PRELID2: variants seen among roughly 807,000 people sequenced by gnomAD.
The protein encoded by PRELID2 is PRELI domain-containing protein 2.
PRELID2 carries 25 observed loss-of-function variants against 28.4 expected under a neutral mutation model. That is an observed-to-expected ratio of 0.88 (90% CI 0.64 to 1.23). The LOEUF (loss-of-function observed/expected upper bound fraction) is 1.23, where lower values mean the gene tolerates loss of function less well. Among genes scored for constraint, PRELID2 ranks in the 50% most tolerant of loss-of-function variants. The probability of loss-of-function intolerance (pLI) is 0.00; values close to 1 mark genes in which losing one functional copy is unlikely to be tolerated. For missense variants in PRELID2, 201 were observed against 214.4 expected, an observed-to-expected ratio of 0.94 and a Z score of 0.39; for synonymous variants, 76 against 71.6, an observed-to-expected ratio of 1.06 and a Z score of -0.31.
At chr5:145,449,554 T>C in the PRELID2 span, among the ~76,000 whole-genome samples, 3 of 152,064 alleles carry the variant, frequency 2.0e-5, no homozygotes, top group African/African-American at 7.2e-5. Context: ...GGGTACGTGG[T>C]GGGCCAAAAT....
At chr5:145,258,581 T>C in the PRELID2 span, among the ~76,000 whole-genome samples, 1 of 152,306 alleles carries the variant, frequency 6.6e-6, no homozygotes, top group East Asian at 1.9e-4. Context: ...AGGGTATCTG[T>C]AGAACAAATT....
At chr5:145,240,237 G>A in the PRELID2 span, among the ~76,000 whole-genome samples, 5 of 150,170 alleles carry the variant, frequency 3.3e-5, no homozygotes, top group Admixed American at 3.3e-4. Flanking sequence ...CTGCTTTATT[G>A]CTTTCTTTTT....
chr5:145,450,605 C>A, the PRELID2 span: 52 of 152,262 alleles, frequency 3.4e-4, no homozygotes, highest in Admixed American at 2.3e-3. Flanking sequence ...TTAGATCAAA[C>A]CACTTCACTG....
At chr5:145,518,342 G>A (rs926051417) in intron 1 of PRELID2, among the ~76,000 whole-genome samples, 51 of 151,930 alleles carry the variant, frequency 3.4e-4, no homozygotes, top group Non-Finnish European at 3.2e-4. Flanking sequence ...TGGGACTACA[G>A]GTGTGCACCA....
rs1469581409 is a variant in PRELID2 at position 145,770,569 on chromosome 5, G to A, written c.475-5569C>T. 2.2e-4 allele frequency among the ~76,000 whole-genome samples: 33 copies of A among 152,132 alleles called. 1 individual carries two copies. The highest frequency in any genetic ancestry group is 2.2e-3 in the Admixed American group (33 of 15,274). ...CCTTCAGGAGGTATACCAGAAGAAG[G>A]CATTGTTATCACAGCAGATGACAGC... On this transcript the variant is annotated intron_variant, in intron 5 of 6. Coordinates refer to ENST00000683046, the MANE Select transcript of PRELID2 (RefSeq NM_205846.3).
the PRELID2 span, among the ~76,000 whole-genome samples, chr5:145,456,313 A>T: frequency 6.6e-6 from 1 of 152,224 alleles, no homozygotes; most frequent in African/African-American, 2.4e-5. Context: ...GAATGTGAAG[A>T]TGACCACTGG....
At chr5:145,618,640 T>C (rs548837272) in intron 1 of PRELID2, among the ~76,000 whole-genome samples, 1 of 152,330 alleles carries the variant, frequency 6.6e-6, no homozygotes, top group East Asian at 1.9e-4. Flanking sequence ...TTTAATGCTC[T>C]ATTTTTGTGC....
chr5:145,530,342 C>T lies in PRELID2; in HGVS notation n.71-57027G>A, dbSNP rs150435991. ...GATGCTCCCAGTCACATTGGGATCA[C>T]ATTTAAATAATTCATTACAAACTCA... On this transcript the variant is annotated intron_variant and non_coding_transcript_variant, in intron 1 of 2. Transcript: ENST00000510259. Among the ~76,000 whole-genome samples the T allele has an allele frequency of 6.2e-3, 940 of 152,230 alleles. 8 individuals are homozygous for T. Among genetic ancestry groups the T allele is most frequent in the South Asian group, 0.023 (111 of 4,820 alleles).
At chr5:145,252,257 A>G in the PRELID2 span, among the ~76,000 whole-genome samples, 2 of 152,228 alleles carry the variant, frequency 1.3e-5, no homozygotes, top group South Asian at 2.1e-4. Flanking sequence ...TCCAAAAAAC[A>G]TCGTCTATTA....
chr5:145,800,726 C>T (rs1357608675), intron 4 of PRELID2, among the ~76,000 whole-genome samples: 3 of 152,152 alleles, frequency 2.0e-5, no homozygotes, highest in Non-Finnish European at 2.9e-5. Flanking sequence ...AAAGCAGGGT[C>T]ATGCCCTTGC....
At chr5:145,652,103 G>T (rs1336668147) in intron 1 of PRELID2, among the ~76,000 whole-genome samples, 2 of 152,194 alleles carry the variant, frequency 1.3e-5, no homozygotes, top group Non-Finnish European at 2.9e-5. Flanking sequence ...ACTACATGAT[G>T]AATGCACAAG....
the PRELID2 span, among the ~76,000 whole-genome samples, chr5:145,371,054 T>C: frequency 6.6e-6 from 1 of 152,124 alleles, no homozygotes; most frequent in Admixed American, 6.6e-5. Context: ...TCATGTCATC[T>C]GCTAACAGAG....
At chr5:145,458,701 A>G in the PRELID2 span, among the ~76,000 whole-genome samples, 2 of 152,228 alleles carry the variant, frequency 1.3e-5, no homozygotes, top group South Asian at 2.1e-4. Context: ...CCTGACAGGT[A>G]GAGAAAATAC....
At chr5:145,234,995 A>G in the PRELID2 span, among the ~76,000 whole-genome samples, 1 of 152,186 alleles carries the variant, frequency 6.6e-6, no homozygotes, top group East Asian at 1.9e-4. Flanking sequence ...CCAACCACCT[A>G]TCAGTTAAGT....
intron 1 of PRELID2, among the ~76,000 whole-genome samples, chr5:145,531,077 CTA>C (rs146268957): frequency 6.6e-5 from 10 of 150,446 alleles, no homozygotes; most frequent in Non-Finnish European, 7.4e-5. Context: ...GTTTGAAAGT[CTA>C]TATATATATA....
chr5:145,618,581 G>A (rs1040396698), intron 1 of PRELID2, among the ~76,000 whole-genome samples: 1 of 152,144 alleles, frequency 6.6e-6, no homozygotes, highest in African/African-American at 2.4e-5. Context: ...TTCCAGTGGA[G>A]GTGACAGGAA....
chr5:145,303,865 C>A, the PRELID2 span, among the ~76,000 whole-genome samples: 7 of 152,150 alleles, frequency 4.6e-5, no homozygotes, highest in African/African-American at 9.7e-5. Context: ...AAATGACCAT[C>A]TTTGTTGCAT....
At chr5:145,710,798 C>T (rs967705196) in intron 1 of PRELID2, among the ~76,000 whole-genome samples, 15 of 152,228 alleles carry the variant, frequency 9.9e-5, no homozygotes, top group Non-Finnish European at 2.1e-4. Context: ...AGGTTCTTTA[C>T]AGAGGTTTCC....
chr5:145,406,713 G>C, the PRELID2 span, among the ~76,000 whole-genome samples: 1 of 152,214 alleles, frequency 6.6e-6, no homozygotes, highest in South Asian at 2.1e-4. Context: ...GAAGTGGCTT[G>C]CTGCTGCAAA....
Sources: allele counts gnomAD v4.1 joint callset (sites outside exome capture counted in the v4.1 genomes callset), GRCh38; gene constraint gnomAD v4.1.1; transcripts MANE v1.5; gene names NCBI Gene and HGNC (gene_info 2026-07-23, HGNC 2026-07-21).